The following TIAM1 variants were observed in gnomAD, a reference collection of about 807,000 sequenced individuals.
TIAM1 encodes the protein rho guanine nucleotide exchange factor TIAM1.
In TIAM1, 65 loss-of-function variants were observed where a neutral mutation model predicts 163.5. The ratio of observed to expected loss-of-function variants is 0.40; its 90% confidence interval spans 0.33 to 0.49. TIAM1 has a LOEUF of 0.49. TIAM1 is among the 20% of genes least tolerant of loss of function. TIAM1 has a pLI of 0.77. For missense variants in TIAM1, 1,789 were observed against 2,044.7 expected (o/e 0.87, Z 2.41); for synonymous variants, 833 against 810.1 (o/e 1.03, Z -0.48).
chr21:31,522,510 C>CAA (rs969058053), intron 1 of TIAM1, among the ~76,000 whole-genome samples: 1 of 132,880 alleles, frequency 7.5e-6, no homozygotes, highest in Non-Finnish European at 1.6e-5. Context: ...AACTCCATCC[C>CAA]AAAAAAAAAA....
chr21:31,173,869 T>C (rs2084640019), intron 15 of TIAM1, among the ~76,000 whole-genome samples: 1 of 152,184 alleles, frequency 6.6e-6, no homozygotes, highest in Non-Finnish European at 1.5e-5. Flanking sequence ...AACATGTTTT[T>C]TCACACGCAG....
intron 15 of TIAM1, among the ~76,000 whole-genome samples, chr21:31,181,772 T>C (rs2085036726): frequency 7.0e-5 from 4 of 57,474 alleles, no homozygotes; most frequent in African/African-American, 3.1e-4. Context: ...TTTTTTTTTT[T>C]TTTTTTTTTT....
rs769467799 is a variant in TIAM1, at chr21:31,273,561, C to T, written c.-12+3171G>A. On this transcript the variant is annotated intron_variant, in intron 3 of 27. Coordinates refer to ENST00000541036, the MANE Select transcript of TIAM1 (RefSeq NM_001353694.2). Reference sequence around the variant, plus strand: ...GAACTGACATTAGAGCCTCCACCCACGGAGGTGAGACAGCACTTACAATCT... The same window carrying T: ...GAACTGACATTAGAGCCTCCACCCATGGAGGTGAGACAGCACTTACAATCT... Among the ~76,000 whole-genome samples, 9 of 152,180 alleles carry T rather than the reference C, an allele frequency of 5.9e-5. No homozygotes were observed. In the South Asian group the frequency reaches 1.0e-3, roughly 18 times the overall value.
At chr21:31,358,485 C>T (rs1235718935) in intron 2 of TIAM1, among the ~76,000 whole-genome samples, 1 of 152,162 alleles carries the variant, frequency 6.6e-6, no homozygotes, top group African/African-American at 2.4e-5. Flanking sequence ...CAATCGAATA[C>T]CGCACTGTGC....
chr21:31,139,042 G>C (rs559221271), intron 22 of TIAM1, among the ~76,000 whole-genome samples: 1 of 152,226 alleles, frequency 6.6e-6, no homozygotes, highest in African/African-American at 2.4e-5. Flanking sequence ...ACTTTGTATA[G>C]CACTATATCA....
chr21:31,558,081 G>A (rs78844013), intron 1 of TIAM1, among the ~76,000 whole-genome samples: 18,846 of 152,214 alleles, frequency 0.12, 2,030 homozygotes, highest in East Asian at 0.64. Flanking sequence ...GCAGCCGCCG[G>A]GGCTGGGGGG....
intron 1 of TIAM1, among the ~76,000 whole-genome samples, chr21:31,499,270 A>G (rs973535178): frequency 6.6e-6 from 1 of 152,020 alleles, no homozygotes; most frequent in Non-Finnish European, 1.5e-5. Flanking sequence ...ATACTTTAAC[A>G]AAGATACAGC....
At chr21:31,222,001 G>A (rs185065718) in intron 8 of TIAM1, among the ~76,000 whole-genome samples, 4 of 152,334 alleles carry the variant, frequency 2.6e-5, no homozygotes, top group Non-Finnish European at 5.9e-5. Flanking sequence ...AGAGGTGGTA[G>A]CCAGGGAGAC....
rs377608215 is a variant in TIAM1 at position 31,468,192 on chromosome 21, T to C, written c.-421-4157A>G. Among the ~76,000 whole-genome samples, 363 of 151,096 alleles carry C rather than the reference T, an allele frequency of 2.4e-3. 1 individual carries two copies. Among genetic ancestry groups the C allele is most frequent in the Middle Eastern group, 6.8e-3 (2 of 292 alleles). On this transcript the variant is annotated intron_variant, in intron 1 of 28. Transcript: ENST00000286827. ...GAGGTTATTTAAGAATCCAGAAGGG[T>C]TGGTCACACACAGTGGCTCACGCAT...
chr21:31,330,683 C>T (rs2075649457), intron 2 of TIAM1, among the ~76,000 whole-genome samples: 1 of 152,180 alleles, frequency 6.6e-6, no homozygotes, highest in African/African-American at 2.4e-5. Context: ...AGTGATCTAC[C>T]TGCCTCAGCC....
intron 1 of TIAM1, among the ~76,000 whole-genome samples, chr21:31,512,430 C>A (rs1023485015): frequency 3.9e-5 from 6 of 151,914 alleles, no homozygotes; most frequent in Admixed American, 2.6e-4. Flanking sequence ...GTCACAACAG[C>A]ACTATATAAA....
chr21:31,545,182 AACAG>A (rs1964316770), intron 1 of TIAM1, among the ~76,000 whole-genome samples: 1 of 152,206 alleles, frequency 6.6e-6, no homozygotes, highest in South Asian at 2.1e-4. Context: ...GAGATGTGGA[AACAG>A]ACACACAGAC....
intron 5 of TIAM1, among the ~76,000 whole-genome samples, chr21:31,250,151 G>GAAAAAAAAAAAAAA (rs755928120): frequency 3.4e-5 from 2 of 58,860 alleles, no homozygotes; most frequent in Non-Finnish European, 3.7e-5. Flanking sequence ...GTCTCAAACA[G>GAAAAAAAAAAAAAA]AAAAAAAAAA....
intron 5 of TIAM1, among the ~76,000 whole-genome samples, chr21:31,246,425 G>A (rs1344611849): frequency 1.3e-5 from 2 of 152,138 alleles, no homozygotes; most frequent in Non-Finnish European, 2.9e-5. Flanking sequence ...ATCTAAACTT[G>A]AGGCTCACTT....
chr21:31,249,926 G>A lies in TIAM1; in HGVS notation c.1411+1816C>T, dbSNP rs577776828. On this transcript the variant is annotated intron_variant, in intron 5 of 27. Transcript: ENST00000541036. ...AACCCAAGGCCAAAGCAGGAGGATC[G>A]CTTGAGGCCAAAAGTTGGAGATGAG... 7.2e-5 allele frequency among the ~76,000 whole-genome samples: 11 copies of A among 152,132 alleles called. No individual in the cohort carries two copies. The South Asian group carries it at 1.0e-3, about 14-fold the overall frequency.
chr21:31,381,401 C>T (rs1037981185), intron 2 of TIAM1, among the ~76,000 whole-genome samples: 4 of 152,124 alleles, frequency 2.6e-5, no homozygotes, highest in Non-Finnish European at 5.9e-5. Flanking sequence ...GGCACAGTGG[C>T]TCACACCTGT....
intron 2 of TIAM1, among the ~76,000 whole-genome samples, chr21:31,410,067 G>T (rs1280271115): frequency 1.3e-5 from 2 of 151,572 alleles, no homozygotes; most frequent in Non-Finnish European, 1.5e-5. Context: ...GTCAATGGAG[G>T]CAGCACTGAG....
intron 22 of TIAM1, among the ~76,000 whole-genome samples, chr21:31,137,799 G>A (rs1369634606): frequency 1.3e-5 from 2 of 151,030 alleles, no homozygotes; most frequent in Admixed American, 1.3e-4. Flanking sequence ...ATCCTGGAAG[G>A]AAGAGACAAG....
At position 31,223,734 on chromosome 21, in the gene TIAM1, T is replaced by C. The variant is rs73353311; in HGVS notation, c.1810-143A>G. ...AACAACAGGTACCTAAGTTTCTTAG[T>C]TACTTATGTTTCTTCTGCAAGATCT... On this transcript the variant is annotated intron_variant, in intron 7 of 27. Coordinates refer to ENST00000541036, the MANE Select transcript of TIAM1 (RefSeq NM_001353694.2). The C allele has an allele frequency of 6.0e-3, 4,784 of 791,608 alleles. 195 individuals are homozygous for C. The African/African-American group carries it at 0.078, about 13-fold the overall frequency. The allele number at this position is 791,608 out of a possible 1,614,324, so 49.0% of individuals were successfully genotyped here. A position where few individuals can be genotyped will look rare whatever the true frequency, so the allele number is the denominator to read the frequency against.
Sources: allele counts gnomAD v4.1 joint callset (sites outside exome capture counted in the v4.1 genomes callset), GRCh38; gene constraint gnomAD v4.1.1; transcripts MANE v1.5; gene names NCBI Gene and HGNC (gene_info 2026-07-23, HGNC 2026-07-21).